Variants in CPNE8 observed in about 807,000 individuals in gnomAD.
CPNE8 encodes the protein copine-8.
In CPNE8, 45 loss-of-function variants were observed where a neutral mutation model predicts 81.5. The ratio of observed to expected loss-of-function variants is 0.55; its 90% CI spans 0.44 to 0.71. The LOEUF (loss-of-function observed/expected upper bound fraction) is 0.71. Ranked by LOEUF, CPNE8 falls within the 30% of genes least tolerant of loss-of-function variation. The pLI is 0.00. For synonymous variants in CPNE8, 252 were observed against 226.3 expected, an observed-to-expected ratio of 1.11 and a Z score of -1.02; for missense variants, 594 against 672.1, an observed-to-expected ratio of 0.88 and a Z score of 1.28.
At chr12:38,731,210 T>C (rs935906206) in intron 10 of CPNE8, among the ~76,000 whole-genome samples, 32 of 151,862 alleles carry the variant, frequency 2.1e-4, no homozygotes, top group Non-Finnish European at 2.9e-5. Context: ...AATATACAGA[T>C]TGTAGGAGTG....
Position 38,685,763 on chromosome 12 carries a change from AAT to A in CPNE8, c.1144-148_1144-147del, listed in dbSNP as rs1277973944. The A allele has an allele frequency of 1.9e-4, 123 of 651,642 alleles. No individual in the cohort carries two copies. In the East Asian group the frequency reaches 3.5e-3, roughly 18 times the overall value. The allele number at this position is 651,642 out of a possible 1,614,324, so 40.4% of individuals were successfully genotyped here. A position where few individuals can be genotyped will look rare whatever the true frequency, so the allele number is the denominator to read the frequency against. On this transcript the variant is annotated intron_variant, in intron 15 of 19. Coordinates refer to ENST00000331366, the MANE Select transcript of CPNE8 (RefSeq NM_153634.3). ...ATTCATAAATTTACAATAGCAAAAA[AAT>A]AATACATTAAGTAAGTGATCAACAA...
At chr12:38,678,278 A>G (rs1336208237) in intron 16 of CPNE8, among the ~76,000 whole-genome samples, 1 of 152,068 alleles carries the variant, frequency 6.6e-6, no homozygotes, top group Non-Finnish European at 1.5e-5. Context: ...AATTATGTAT[A>G]TGATAACATA....
At chr12:38,677,384 T>G (rs1454381042) in intron 17 of CPNE8, 68 bp downstream of exon 17, 2 of 844,646 alleles carry the variant, frequency 2.4e-6, no homozygotes, top group South Asian at 1.4e-5. Context: ...TAGAATAGAC[T>G]CTAGTCTCTC....
chr12:38,861,350 G>T (rs1409669898), intron 3 of CPNE8, among the ~76,000 whole-genome samples: 1 of 151,776 alleles, frequency 6.6e-6, no homozygotes, highest in East Asian at 1.9e-4. Flanking sequence ...TTTTTTAAAG[G>T]TCATATATTA....
intron 3 of CPNE8, among the ~76,000 whole-genome samples, chr12:38,858,428 G>A (rs1194106082): frequency 6.6e-6 from 1 of 152,224 alleles, no homozygotes; most frequent in Non-Finnish European, 1.5e-5. Flanking sequence ...CTCTTTGCAA[G>A]CAGGGCTACA....
chr12:38,670,871 G>A (rs542438205), intron 18 of CPNE8, 69 bp from the exon 19 acceptor site: 835 of 1,156,784 alleles, frequency 7.2e-4, no homozygotes, highest in Non-Finnish European at 9.2e-4. Flanking sequence ...TGGACAACAA[G>A]GAAATCAAGA....
At chr12:38,904,191 G>A (rs1235754001) in intron 1 of CPNE8, among the ~76,000 whole-genome samples, 2 of 152,134 alleles carry the variant, frequency 1.3e-5, no homozygotes, top group Non-Finnish European at 2.9e-5. Flanking sequence ...GAGGATGTGA[G>A]GGCATAAAAA....
intron 3 of CPNE8, among the ~76,000 whole-genome samples, chr12:38,863,790 C>A (rs771155157): frequency 5.9e-5 from 9 of 152,118 alleles, no homozygotes; most frequent in Non-Finnish European, 1.3e-4. Flanking sequence ...CGGTGGCTCA[C>A]GCCTGTGGTC....
chr12:38,776,704 T>C (rs1941946240), intron 6 of CPNE8, among the ~76,000 whole-genome samples: 1 of 152,070 alleles, frequency 6.6e-6, no homozygotes, highest in African/African-American at 2.4e-5. Flanking sequence ...TATAATAAAA[T>C]ATAAGATAAT....
Position 38,848,636 on chromosome 12 carries a change from A to G in CPNE8, c.213T>C (p.Asn71=). The G allele has an allele frequency of 6.3e-7, 1 of 1,592,782 alleles. No homozygotes were observed. The highest frequency in any genetic ancestry group is 8.5e-7 in the Non-Finnish European group (1 of 1,173,982). The change falls in exon 4 of 20, where the codon AAT becomes AAC. Residue 71 remains asparagine (N), a synonymous_variant. Transcript: ENST00000331366. ...TTCTTACAAAATCAGGATTTAAAGT[A>G]TTATCAATTACTTCAGTTCTTCCAA... is the stretch of plus-strand genomic sequence containing the variant. ...REFGRTEVID[N]TLNPDFVRKF...
chr12:38,678,356 TC>T (rs1939337507), intron 16 of CPNE8, among the ~76,000 whole-genome samples: 1 of 152,040 alleles, frequency 6.6e-6, no homozygotes, highest in Admixed American at 6.6e-5. Context: ...ATTTCTCTTT[TC>T]CTTTAGTTTT....
At chr12:38,848,332 A>G (rs773064431) in intron 4 of CPNE8, among the ~76,000 whole-genome samples, 1 of 152,146 alleles carries the variant, frequency 6.6e-6, no homozygotes, top group Non-Finnish European at 1.5e-5. Context: ...AAGAATGTCC[A>G]TATACACCGT....
In CPNE8 at chr12:38,730,285, C is replaced by T; in HGVS notation, c.796G>A (p.Glu266Lys). ...SRGQSQFNVY[E>K]VVNPKKKGKK... is the part of the protein sequence containing the mutation. ...TGGTAAAATAAAATGCCTCTTACCT[C>T]ATATACGTTGAATTGTGACTGCCCT... Residue 266 changes from glutamate (E) to lysine (K), a missense_variant and splice_region_variant, in exon 11 of 20, where the codon GAG becomes AAG. Physicochemically the swap from Glu to Lys is moderately conservative, Grantham distance 56 (BLOSUM62 1). Coordinates refer to ENST00000331366, the MANE Select transcript of CPNE8 (RefSeq NM_153634.3). 1 of 1,553,212 alleles carries T rather than the reference C, an allele frequency of 6.4e-7. No homozygotes were observed. Among genetic ancestry groups the T allele is most frequent in the South Asian group, 1.1e-5 (1 of 89,358 alleles).
intron 5 of CPNE8, among the ~76,000 whole-genome samples, chr12:38,833,588 C>A (rs1943332135): frequency 6.7e-6 from 1 of 149,536 alleles, no homozygotes. Context: ...GCACCATTCT[C>A]CTGCCTCAGC....
At chr12:38,758,054 C>G (rs1262140615) in intron 10 of CPNE8, among the ~76,000 whole-genome samples, 1 of 152,024 alleles carries the variant, frequency 6.6e-6, no homozygotes, top group African/African-American at 2.4e-5. Flanking sequence ...TAAATAGTTT[C>G]TTTGCTTTTA....
chr12:38,795,859 G>GATA (rs1565620145), intron 6 of CPNE8, among the ~76,000 whole-genome samples: 10 of 40,900 alleles, frequency 2.4e-4, no homozygotes, highest in Non-Finnish European at 3.0e-4. Context: ...GATGATAGAT[G>GATA]GATGGATGGA....
At position 38,829,384 on chromosome 12, in the gene CPNE8, T is replaced by C. The variant is rs761002996; in HGVS notation, c.402A>G (p.Pro134=). 1 of 1,605,540 alleles carries C rather than the reference T, an allele frequency of 6.2e-7. No homozygotes were observed. The highest frequency in any genetic ancestry group is 8.5e-7 in the Non-Finnish European group (1 of 1,172,196). The stretch of plus-strand genomic sequence containing the variant: ...CTGAATTAAAAAATACTTACACTAT[T>C]GGTTTTTCCAGGCGACTTCCCTGTG... ...VGSQGSRLEK[P]IVGIPGKKCG... Residue 134 remains proline (P), a synonymous_variant, in exon 6 of 20, where the codon CCA becomes CCG. Coordinates refer to ENST00000331366, the MANE Select transcript of CPNE8 (RefSeq NM_153634.3).
At chr12:38,686,900 C>A (rs564164128) in intron 15 of CPNE8, among the ~76,000 whole-genome samples, 1 of 152,294 alleles carries the variant, frequency 6.6e-6, no homozygotes, top group Non-Finnish European at 1.5e-5. Flanking sequence ...AGAAGTTACA[C>A]ATCATTACTC....
intron 13 of CPNE8, among the ~76,000 whole-genome samples, chr12:38,718,584 C>G (rs1940469239): frequency 6.6e-6 from 1 of 152,124 alleles, no homozygotes; most frequent in Non-Finnish European, 1.5e-5. Flanking sequence ...ACATCCTGCA[C>G]AGATTTGGGG....
Sources: allele counts gnomAD v4.1 joint callset (sites outside exome capture counted in the v4.1 genomes callset), GRCh38; gene constraint gnomAD v4.1.1; transcripts MANE v1.5; gene names NCBI Gene and HGNC (gene_info 2026-07-23, HGNC 2026-07-21).